Variants in FGGY observed in about 807,000 individuals in gnomAD.
FGGY encodes the protein FGGY carbohydrate kinase domain containing.
A neutral mutation model predicts 71.3 loss-of-function variants in FGGY; 72 were observed. That is an observed-to-expected ratio of 1.01 (90% confidence interval 0.84 to 1.23). The LOEUF (loss-of-function observed/expected upper bound fraction) is 1.23. Ranked by LOEUF, FGGY falls within the 50% of genes most tolerant of loss-of-function variation. The pLI is 0.00. For missense variants in FGGY, 668 were observed against 682.3 expected (o/e 0.98, Z 0.23); for synonymous variants, 251 against 250.3 (o/e 1.00, Z -0.02).
intron 9 of FGGY, among the ~76,000 whole-genome samples, chr1:59,621,121 C>T (rs35108381): frequency 0.099 from 14,997 of 151,872 alleles, 853 homozygotes; most frequent in South Asian, 0.29. Context: ...GAAGAGAAAA[C>T]GGTTGTATTC....
At chr1:59,591,958 G>C (rs568651448) in intron 8 of FGGY, among the ~76,000 whole-genome samples, 2,311 of 152,272 alleles carry the variant, frequency 0.015, 66 homozygotes, top group African/African-American at 0.054. Flanking sequence ...TTAAACTAAA[G>C]AGCTTCTGCA....
intron 5 of FGGY, among the ~76,000 whole-genome samples, chr1:59,435,745 C>CGTGTGTGTGT (rs10563712): frequency 1.5e-4 from 21 of 142,246 alleles, no homozygotes; most frequent in Non-Finnish European, 2.9e-4. Flanking sequence ...TGTGTGCCTG[C>CGTGTGTGTGT]GTGTGTGTGT....
At position 59,623,308 on chromosome 1, in the gene FGGY, A is replaced by G. The variant is rs6695514; in HGVS notation, c.1012-2680A>G. Among the ~76,000 whole-genome samples, 1,149 of 152,300 alleles carry G rather than the reference A, an allele frequency of 7.5e-3. 17 individuals are homozygous for G. Among genetic ancestry groups the G allele is most frequent in the African/African-American group, 0.026 (1,097 of 41,564 alleles). ...TCTAATAAAAGTATAAACTCTTATG[A>G]CATTCAAGACACACTGTCTGCCTTC... On this transcript the variant is annotated intron_variant, in intron 9 of 15. Coordinates refer to ENST00000303721, the MANE Select transcript of FGGY (RefSeq NM_018291.5).
chr1:59,590,303 A>C (rs2096404640), intron 8 of FGGY, among the ~76,000 whole-genome samples: 1 of 152,256 alleles, frequency 6.6e-6, no homozygotes. Context: ...TTAATAGCTT[A>C]CCAACCAAAA....
At chr1:59,543,605 C>G (rs796119958) in intron 7 of FGGY, among the ~76,000 whole-genome samples, 1 of 152,082 alleles carries the variant, frequency 6.6e-6, no homozygotes, top group Non-Finnish European at 1.5e-5. Context: ...CTGTTGCAAC[C>G]GAAACTCTTA....
intron 6 of FGGY, among the ~76,000 whole-genome samples, chr1:59,469,624 G>C (rs1161475277): frequency 6.6e-6 from 1 of 152,100 alleles, no homozygotes; most frequent in Non-Finnish European, 1.5e-5. Context: ...TTCAAGGGTA[G>C]AAGTGCAGTT....
chr1:59,512,081 T>G (rs1016514392), intron 6 of FGGY, among the ~76,000 whole-genome samples: 1 of 152,244 alleles, frequency 6.6e-6, no homozygotes, highest in Non-Finnish European at 1.5e-5. Context: ...GTTTGAATGA[T>G]GCTTTAGAGT....
At chr1:59,440,149 G>C (rs2069465228) in intron 5 of FGGY, among the ~76,000 whole-genome samples, 1 of 150,216 alleles carries the variant, frequency 6.7e-6, no homozygotes, top group Non-Finnish European at 1.5e-5. Context: ...TTGAATTTAG[G>C]CCATTTTTTC....
intron 6 of FGGY, among the ~76,000 whole-genome samples, chr1:59,460,439 C>T (rs896190106): frequency 1.3e-5 from 2 of 152,188 alleles, no homozygotes; most frequent in Non-Finnish European, 2.9e-5. Context: ...TCATCTAGGC[C>T]TCCCTGCCTC....
In FGGY at chr1:59,739,910, A is replaced by G. The variant is rs576454766; in HGVS notation, c.1513-18021A>G. ...TTCTGGTTGGGTTTGGCCAATGGGC[A>G]GCCCCAGCAGGAACCTGGAGAATAA... On this transcript the variant is annotated intron_variant, in intron 14 of 15. Coordinates refer to ENST00000303721, the MANE Select transcript of FGGY (RefSeq NM_018291.5). Among the ~76,000 whole-genome samples the G allele has an allele frequency of 4.6e-5, 7 of 152,334 alleles. No homozygotes were observed. In the South Asian group the frequency reaches 1.4e-3, roughly 32 times the overall value.
chr1:59,464,537 G>GAC (rs1012057870), intron 6 of FGGY, among the ~76,000 whole-genome samples: 8 of 152,014 alleles, frequency 5.3e-5, no homozygotes, highest in Non-Finnish European at 1.0e-4. Context: ...AGGAGATAGA[G>GAC]ACACACACAC....
At chr1:59,339,142 T>A (rs187603962) in intron 2 of FGGY, among the ~76,000 whole-genome samples, 4 of 152,356 alleles carry the variant, frequency 2.6e-5, no homozygotes, top group African/African-American at 9.6e-5. Context: ...GTAAGGTATA[T>A]ATGAAACATA....
chr1:59,706,246 C>G (rs1448396898), intron 14 of FGGY, among the ~76,000 whole-genome samples: 1 of 152,204 alleles, frequency 6.6e-6, no homozygotes, highest in Non-Finnish European at 1.5e-5. Flanking sequence ...GCACTAGAGG[C>G]TGACTGCCCA....
Position 59,758,012 on chromosome 1 carries a change from A to G in FGGY, c.1574+20A>G. On this transcript the variant is annotated intron_variant, in intron 15 of 15. Coordinates refer to ENST00000303721, the MANE Select transcript of FGGY (RefSeq NM_018291.5). ...TAAAAAGTAAGTGTGTATTTTTTATATGTACAGTGCTAAGGAAGTGAGCAC... is the reference window on the plus strand; with the variant it reads ...TAAAAAGTAAGTGTGTATTTTTTATGTGTACAGTGCTAAGGAAGTGAGCAC... 1 of 1,578,886 alleles carries G rather than the reference A, an allele frequency of 6.3e-7. No homozygotes were observed. The highest frequency in any genetic ancestry group is 8.7e-7 in the Non-Finnish European group (1 of 1,148,822).
chr1:59,474,191 T>G (rs2093143757), intron 6 of FGGY: 1 of 152,178 alleles, frequency 6.6e-6, no homozygotes, highest in African/African-American at 2.4e-5. Context: ...GACCACATCA[T>G]GGTGATACAA....
intron 5 of FGGY, among the ~76,000 whole-genome samples, chr1:59,433,869 G>C (rs550718796): frequency 5.9e-5 from 9 of 152,164 alleles, no homozygotes; most frequent in Non-Finnish European, 1.0e-4. Context: ...CATGCTTTAG[G>C]GAGGAAACTT....
chr1:59,402,210 A>G (rs1253916158), intron 5 of FGGY, among the ~76,000 whole-genome samples: 1 of 152,180 alleles, frequency 6.6e-6, no homozygotes, highest in Non-Finnish European at 1.5e-5. Flanking sequence ...CTCTTTAGGA[A>G]ATGGTCGACA....
chr1:59,611,891 A>G (rs377102501), intron 9 of FGGY, among the ~76,000 whole-genome samples: 3 of 152,250 alleles, frequency 2.0e-5, no homozygotes, highest in Non-Finnish European at 4.4e-5. Context: ...CTGGAAGAAA[A>G]GGTATCAGTG....
At chr1:59,449,845 T>C (rs2072270134) in intron 5 of FGGY, among the ~76,000 whole-genome samples, 1 of 152,026 alleles carries the variant, frequency 6.6e-6, no homozygotes. Context: ...TGGTGTGTGC[T>C]TATAGTCTCA....
Sources: gnomAD v4.1 joint callset for allele counts (sites outside exome capture counted in the v4.1 genomes callset) on GRCh38, gnomAD v4.1.1 for gene constraint, MANE v1.5 for transcripts, NCBI Gene and HGNC (gene_info 2026-07-23, HGNC 2026-07-21) for gene names.